Variants in COG5 observed in about 807,000 individuals in gnomAD.
COG5 encodes conserved oligomeric Golgi complex subunit 5.
A neutral mutation model predicts 110.4 loss-of-function variants in COG5; 86 were observed. The observed-to-expected ratio is 0.78, with a 90% CI of 0.65 to 0.93. The LOEUF is 0.93. Among genes scored for constraint, COG5 ranks in the 40% least tolerant of loss-of-function variants. COG5 has a pLI of 0.00. For synonymous variants in COG5, 360 were observed against 334.6 expected, an observed-to-expected ratio of 1.08 and a Z score of -0.83; for missense variants, 1,077 against 987.0, an observed-to-expected ratio of 1.09 and a Z score of -1.22.
intron 11 of COG5, among the ~76,000 whole-genome samples, chr7:107,320,317 C>A: frequency 6.6e-6 from 1 of 152,174 alleles, no homozygotes; most frequent in East Asian, 1.9e-4. Flanking sequence ...GGCTTAATAG[C>A]AACAACAGGG....
intron 6 of COG5, among the ~76,000 whole-genome samples, chr7:107,445,941 C>T (rs1286366532): frequency 6.6e-6 from 1 of 152,150 alleles, no homozygotes. Flanking sequence ...TAGGGATACA[C>T]AGACTGCCCA....
intron 14 of COG5, among the ~76,000 whole-genome samples, chr7:107,259,154 TATC>T (rs1346331809): frequency 6.6e-6 from 1 of 151,460 alleles, no homozygotes; most frequent in Non-Finnish European, 1.5e-5. Context: ...AAAAAAAAAA[TATC>T]AACCATTCTC....
In COG5 at chr7:107,438,110, G is replaced by T. The variant is rs569053668; in HGVS notation, c.539-25478C>A. On this transcript the variant is annotated intron_variant, in intron 6 of 21. Coordinates refer to ENST00000297135, the MANE Select transcript of COG5 (RefSeq NM_006348.5). Reference sequence around the variant, plus strand: ...CCTATGGATGAAAATAAGCATAGTGGACCAGAAAAAGAGAAGAAACTTAGT... The same window carrying T: ...CCTATGGATGAAAATAAGCATAGTGTACCAGAAAAAGAGAAGAAACTTAGT... 2.0e-5 allele frequency among the ~76,000 whole-genome samples: 3 copies of T among 152,176 alleles called. No homozygotes were observed. In the East Asian group the frequency reaches 5.8e-4, roughly 29 times the overall value.
intron 11 of COG5, among the ~76,000 whole-genome samples, chr7:107,307,630 G>A (rs1807842381): frequency 6.6e-6 from 1 of 152,090 alleles, no homozygotes; most frequent in South Asian, 2.1e-4. Flanking sequence ...GCCACAGGAG[G>A]TCATTATTCT....
chr7:107,556,179 G>T (rs756525751), intron 2 of COG5, among the ~76,000 whole-genome samples: 1 of 152,172 alleles, frequency 6.6e-6, no homozygotes, highest in Admixed American at 6.5e-5. Context: ...TGGAAGGTAA[G>T]AACAGGTACT....
chr7:107,502,719 G>A (rs3094383), intron 6 of COG5, among the ~76,000 whole-genome samples: 41,275 of 151,996 alleles, frequency 0.27, 5,696 homozygotes, highest in East Asian at 0.33. Flanking sequence ...GACGGAATAA[G>A]CTGATAATCT....
intron 7 of COG5, among the ~76,000 whole-genome samples, chr7:107,378,923 C>T (rs1171908929): frequency 6.6e-6 from 1 of 152,126 alleles, no homozygotes; most frequent in Admixed American, 6.5e-5. Flanking sequence ...ATACAGAGAA[C>T]ACCACAAAGA....
chr7:107,369,098 A>C (rs905489627), intron 8 of COG5, among the ~76,000 whole-genome samples: 1 of 152,110 alleles, frequency 6.6e-6, no homozygotes, highest in Non-Finnish European at 1.5e-5. Context: ...CATGCCCAGC[A>C]CTGGTATCTT....
intron 7 of COG5, among the ~76,000 whole-genome samples, chr7:107,407,253 G>A (rs1563015360): frequency 3.3e-5 from 5 of 151,988 alleles, no homozygotes; most frequent in Admixed American, 3.3e-4. Flanking sequence ...GTGGTGGCAC[G>A]TGCCTGTAAT....
chr7:107,380,179 G>A (rs1480500640), intron 7 of COG5, among the ~76,000 whole-genome samples: 1 of 152,080 alleles, frequency 6.6e-6, no homozygotes, highest in Non-Finnish European at 1.5e-5. Context: ...CTAAAGCAGT[G>A]TTTAGAGGGA....
intron 7 of COG5, among the ~76,000 whole-genome samples, chr7:107,373,425 T>C (rs1235946735): frequency 1.3e-5 from 2 of 152,168 alleles, no homozygotes; most frequent in Non-Finnish European, 2.9e-5. Flanking sequence ...ATGGGAATTA[T>C]TATACAGAGA....
At chr7:107,309,837 G>A (rs763745445) in intron 11 of COG5, among the ~76,000 whole-genome samples, 6 of 151,906 alleles carry the variant, frequency 3.9e-5, no homozygotes, top group Admixed American at 6.6e-5. Flanking sequence ...AAGTATATTC[G>A]TATATTCACA....
intron 16 of COG5, among the ~76,000 whole-genome samples, chr7:107,249,863 G>A (rs573027744): frequency 4.3e-4 from 65 of 152,076 alleles, no homozygotes; most frequent in African/African-American, 1.5e-3. Flanking sequence ...TCCTTTGAGC[G>A]TCATGTTGAC....
At chr7:107,250,186 C>T (rs1305675679) in intron 16 of COG5, among the ~76,000 whole-genome samples, 1 of 152,106 alleles carries the variant, frequency 6.6e-6, no homozygotes, top group Non-Finnish European at 1.5e-5. Context: ...TGGTACAGAG[C>T]TGCTGGAGAG....
chr7:107,324,164 C>T (rs1809552241), intron 11 of COG5, among the ~76,000 whole-genome samples: 1 of 152,086 alleles, frequency 6.6e-6, no homozygotes, highest in African/African-American at 2.4e-5. Context: ...AAAATTCAGA[C>T]AGAGTTCTTC....
chr7:107,358,127 T>A (rs1362788016), intron 10 of COG5, among the ~76,000 whole-genome samples: 1 of 152,346 alleles, frequency 6.6e-6, no homozygotes, highest in East Asian at 1.9e-4. Flanking sequence ...TTATTTACTT[T>A]TGATATTTTC....
chr7:107,553,527 C>T (rs1475414550), intron 3 of COG5, among the ~76,000 whole-genome samples: 5 of 151,902 alleles, frequency 3.3e-5, no homozygotes, highest in South Asian at 4.1e-4. Context: ...TGATCAACAT[C>T]GAGAAAAACC....
At chr7:107,386,118 TAG>T (rs917389599) in intron 7 of COG5, among the ~76,000 whole-genome samples, 3 of 151,884 alleles carry the variant, frequency 2.0e-5, no homozygotes, top group African/African-American at 7.3e-5. Flanking sequence ...AGCCTCAGGA[TAG>T]AGTTACAGTT....
chr7:107,343,804 T>A (rs1460902004), intron 10 of COG5, among the ~76,000 whole-genome samples: 1 of 152,180 alleles, frequency 6.6e-6, no homozygotes, highest in East Asian at 1.9e-4. Context: ...AGTCTCCTTA[T>A]ACATCTCAAT....
Sources: gnomAD v4.1 joint callset for allele counts (sites outside exome capture counted in the v4.1 genomes callset) on GRCh38, gnomAD v4.1.1 for gene constraint, MANE v1.5 for transcripts, NCBI Gene and HGNC (gene_info 2026-07-23, HGNC 2026-07-21) for gene names.